RASSF2: variants seen among roughly 807,000 people sequenced by gnomAD.
RASSF2 encodes the protein Ras association domain family member 2.
A neutral mutation model predicts 46.3 loss-of-function variants in RASSF2; 34 were observed. That is an observed-to-expected ratio of 0.73 (90% confidence interval 0.56 to 0.98). RASSF2 has a LOEUF of 0.98. Among genes scored for constraint, RASSF2 ranks in the 50% least tolerant of loss-of-function variants. The probability of loss-of-function intolerance (pLI) is 0.00; values close to 1 mark genes in which losing one functional copy is unlikely to be tolerated. For synonymous variants in RASSF2, 158 were observed against 162.5 expected, an observed-to-expected ratio of 0.97 and a Z score of 0.21; for missense variants, 364 against 431.2, an observed-to-expected ratio of 0.84 and a Z score of 1.38.
At chr20:4,822,695 C>T (rs1170956487) in intron 1 of RASSF2, among the ~76,000 whole-genome samples, 1 of 152,260 alleles carries the variant, frequency 6.6e-6, no homozygotes, top group Non-Finnish European at 1.5e-5. Flanking sequence ...ACCTCAGGCA[C>T]CAGCTCCGAA....
chr20:4,816,839 C>T (rs1408238927), intron 2 of RASSF2, among the ~76,000 whole-genome samples: 1 of 152,124 alleles, frequency 6.6e-6, no homozygotes, highest in Non-Finnish European at 1.5e-5. Flanking sequence ...TCTGGTGGCT[C>T]ACACCTGTAA....
intron 5 of RASSF2, 70 bp from the exon 6 acceptor site, chr20:4,792,697 C>A: frequency 1.3e-6 from 2 of 1,539,528 alleles, no homozygotes; most frequent in South Asian, 1.2e-5. Flanking sequence ...CCCCCGCACC[C>A]GCTGGACCCC....
intron 2 of RASSF2, among the ~76,000 whole-genome samples, chr20:4,810,034 T>C (rs2122629408): frequency 6.6e-6 from 1 of 152,232 alleles, no homozygotes; most frequent in South Asian, 2.1e-4. Flanking sequence ...GGGACCTGGG[T>C]GGTACAGCAG....
intron 2 of RASSF2, among the ~76,000 whole-genome samples, chr20:4,808,646 C>G (rs1306414917): frequency 6.6e-6 from 1 of 152,040 alleles, no homozygotes; most frequent in Non-Finnish European, 1.5e-5. Flanking sequence ...GCCACCATAC[C>G]TGGCTAATTT....
intron 4 of RASSF2, among the ~76,000 whole-genome samples, 164 bp downstream of exon 4, chr20:4,797,846 G>A (rs926700579): frequency 6.6e-6 from 1 of 152,088 alleles, no homozygotes; most frequent in Non-Finnish European, 1.5e-5. Flanking sequence ...AACAAAACTG[G>A]GCCTGGAGTC....
rs1353956356 is a variant in RASSF2, at chr20:4,792,414, C to T, written c.376+125G>A. On this transcript the variant is annotated intron_variant, in intron 6 of 11. Coordinates refer to ENST00000379400, the MANE Select transcript of RASSF2 (RefSeq NM_014737.3). ...TGGATGAGGTGGGTGACTTAATTCT[C>T]TCCCTTTGTATCTTGAACCATATAC... is the stretch of plus-strand genomic sequence containing the variant. The T allele has an allele frequency of 2.6e-5, 40 of 1,536,040 alleles. No individual in the cohort carries two copies. The East Asian group carries it at 9.3e-4, about 36-fold the overall frequency.
intron 2 of RASSF2, among the ~76,000 whole-genome samples, chr20:4,801,762 G>C (rs767957711): frequency 1.3e-5 from 2 of 152,026 alleles, no homozygotes; most frequent in Non-Finnish European, 2.9e-5. Context: ...TTTTGAGAAA[G>C]AGTCTCACTC....
intron 2 of RASSF2, among the ~76,000 whole-genome samples, chr20:4,806,354 G>A (rs1430507930): frequency 6.6e-6 from 1 of 152,234 alleles, no homozygotes; most frequent in Admixed American, 6.5e-5. Flanking sequence ...CCTGCTGTCG[G>A]CAGCCCTTCT....
intron 4 of RASSF2, among the ~76,000 whole-genome samples, chr20:4,797,721 G>C (rs948786362): frequency 6.6e-6 from 1 of 152,088 alleles, no homozygotes. Context: ...CACCTGGAAA[G>C]GTCATTTCAT....
intron 5 of RASSF2, among the ~76,000 whole-genome samples, chr20:4,793,800 G>A (rs1367766188): frequency 1.3e-5 from 2 of 152,142 alleles, no homozygotes; most frequent in African/African-American, 2.4e-5. Flanking sequence ...TCTTAAGACA[G>A]CAGTCTAGGC....
intron 9 of RASSF2, 117 bp downstream of exon 9, chr20:4,788,097 AAAC>A (rs1925527448): frequency 9.7e-7 from 1 of 1,029,490 alleles, no homozygotes; most frequent in Non-Finnish European, 1.5e-6. Flanking sequence ...CCTTGAAGGC[AAAC>A]AACATTTGGA....
At chr20:4,802,089 G>A (rs913157420) in intron 2 of RASSF2, among the ~76,000 whole-genome samples, 45 of 151,936 alleles carry the variant, frequency 3.0e-4, no homozygotes, top group Admixed American at 3.3e-4. Flanking sequence ...TCTATTTGGA[G>A]AGAAGCGATG....
intron 2 of RASSF2, among the ~76,000 whole-genome samples, chr20:4,808,582 G>GC (rs1701335400): frequency 6.6e-6 from 1 of 150,876 alleles, no homozygotes; most frequent in Admixed American, 6.6e-5. Context: ...GACCTCTTGG[G>GC]CTCAAGTGAT....
chr20:4,790,563 C>T lies in RASSF2; in HGVS notation c.425G>A (p.Arg142His), dbSNP rs747554035. The T allele has an allele frequency of 7.2e-6, 11 of 1,537,758 alleles. No homozygotes were observed. Among genetic ancestry groups the T allele is most frequent in the South Asian group, 2.5e-5 (2 of 79,732 alleles). ...ACGCACCCCAACATCACTGCGTGTG[C>T]GCATCAGCTGTGGGGTGTCCTCCTG... ...PLQEDTPQLM[R>H]TRSDVGVRRR... The change falls in exon 7 of 12, where the codon CGC becomes CAC. Residue 142 changes from arginine to histidine, a missense_variant. Physicochemically the swap from Arg to His is conservative, Grantham distance 29. Coordinates refer to ENST00000379400, the MANE Select transcript of RASSF2 (RefSeq NM_014737.3). This position sits in a 1 kb window ranked among gnomAD's most constrained non-coding sequence, Gnocchi z 4.3.
intron 3 of RASSF2, among the ~76,000 whole-genome samples, chr20:4,800,340 G>A (rs1253593818): frequency 6.6e-6 from 1 of 152,142 alleles, no homozygotes; most frequent in African/African-American, 2.4e-5. Context: ...GACAGGACGG[G>A]GAGCAGTGTC....
chr20:4,817,672 G>A (rs569247927), intron 2 of RASSF2, among the ~76,000 whole-genome samples: 62 of 152,192 alleles, frequency 4.1e-4, no homozygotes, highest in South Asian at 2.3e-3. Context: ...ACACCATGCC[G>A]GAGTCCTGAG....
At position 4,803,278 on chromosome 20, in the gene RASSF2, G is replaced by A. The variant is rs562743002; in HGVS notation, c.-32-2216C>T. ...GTATTACAGTGAGACAATGTGAGAA[G>A]GATTCGACCTCCTGGAAGAAGGATC... On this transcript the variant is annotated intron_variant, in intron 2 of 11. Coordinates refer to ENST00000379400, the MANE Select transcript of RASSF2 (RefSeq NM_014737.3). Among the ~76,000 whole-genome samples the A allele has an allele frequency of 3.9e-5, 6 of 152,012 alleles. No individual in the cohort carries two copies. The South Asian group carries it at 1.2e-3, about 32-fold the overall frequency.
intron 2 of RASSF2, among the ~76,000 whole-genome samples, chr20:4,802,480 A>C (rs1290067792): frequency 1.3e-5 from 2 of 152,226 alleles, no homozygotes; most frequent in Non-Finnish European, 2.9e-5. Flanking sequence ...ATCCAGTGGA[A>C]TATTATTCAG....
chr20:4,814,931 C>T (rs4308173), intron 2 of RASSF2, among the ~76,000 whole-genome samples: 1,673 of 152,340 alleles, frequency 0.011, 80 homozygotes, highest in East Asian at 0.1. Flanking sequence ...TGCTCCTCCA[C>T]GTGGCCCGCA....
Sources: allele counts gnomAD v4.1 joint callset (sites outside exome capture counted in the v4.1 genomes callset), GRCh38; gene constraint gnomAD v4.1.1; non-coding constraint Gnocchi (gnomAD v3.1); transcripts MANE v1.5; gene names NCBI Gene and HGNC (gene_info 2026-07-23, HGNC 2026-07-21).